The following IFT88 variants were observed in gnomAD, a reference collection of about 807,000 sequenced individuals.
The protein encoded by IFT88 is intraflagellar transport 88, also known as intraflagellar transport protein 88 homolog.
Under a neutral mutation model 119.5 loss-of-function variants are expected in IFT88, and 74 were observed. The observed-to-expected ratio is 0.62, with a 90% CI of 0.51 to 0.75. The LOEUF is 0.75. Ranked by LOEUF, IFT88 falls within the 30% of genes least tolerant of loss-of-function variation. The pLI is 0.00. For missense variants in IFT88, 961 were observed against 977.7 expected (o/e 0.98, Z 0.23); for synonymous variants, 279 against 316.7 (o/e 0.88, Z 1.26).
intron 24 of IFT88, among the ~76,000 whole-genome samples, chr13:20,688,652 G>A (rs1275368232): frequency 6.6e-6 from 1 of 152,198 alleles, no homozygotes; most frequent in East Asian, 1.9e-4. Flanking sequence ...ATGCATGCAT[G>A]AGGAAATAAG....
rs2045541083 is a variant in IFT88, at chr13:20,615,965, A to G, written c.1199+86A>G. The G allele has an allele frequency of 1.7e-5, 11 of 655,290 alleles. No homozygotes were observed. In the South Asian group the frequency reaches 2.9e-4, roughly 17 times the overall value. 40.6% of individuals were successfully genotyped at this position (655,290 alleles called of 1,614,324 possible). A position where few individuals can be genotyped will look rare whatever the true frequency, so the allele number is the denominator to read the frequency against. On this transcript the variant is annotated intron_variant, in intron 14 of 25. Coordinates refer to ENST00000351808, the MANE Select transcript of IFT88 (RefSeq NM_006531.5). The stretch of plus-strand genomic sequence containing the variant: ...AATTTAAATTAATATTGTCATTAGA[A>G]AAGTGGATATGAATGTTGATTCATA...
chr13:20,604,074 C>G (rs1318252478), intron 12 of IFT88, among the ~76,000 whole-genome samples: 2 of 151,828 alleles, frequency 1.3e-5, no homozygotes, highest in African/African-American at 4.8e-5. Context: ...AGTAAAATAA[C>G]AAATAAAAAA....
intron 5 of IFT88, 103 bp downstream of exon 5, chr13:20,591,123 G>A: frequency 1.3e-6 from 1 of 772,428 alleles, no homozygotes; most frequent in Non-Finnish European, 2.1e-6. Context: ...TGTTAAAGAA[G>A]ATATTACTTA....
chr13:20,614,580 GGA>G (rs1352191833), intron 13 of IFT88: 1 of 152,018 alleles, frequency 6.6e-6, no homozygotes, highest in Non-Finnish European at 1.5e-5. Flanking sequence ...GGTGGGAGTT[GGA>G]GGAAAACAAA....
intron 23 of IFT88, among the ~76,000 whole-genome samples, chr13:20,670,316 A>G (rs944001269): frequency 1.3e-5 from 2 of 152,150 alleles, no homozygotes; most frequent in South Asian, 4.1e-4. Context: ...GGCAGATTCA[A>G]TGTTAATACA....
At chr13:20,609,996 G>A (rs2044205204) in intron 13 of IFT88, among the ~76,000 whole-genome samples, 1 of 152,028 alleles carries the variant, frequency 6.6e-6, no homozygotes. Context: ...GCTTCTTGCT[G>A]GCATTTGCGA....
intron 13 of IFT88, among the ~76,000 whole-genome samples, chr13:20,605,743 G>A (rs2043326335): frequency 6.6e-6 from 1 of 152,148 alleles, no homozygotes; most frequent in Non-Finnish European, 1.5e-5. Context: ...TGCTATGAAT[G>A]GAAGGCTCCC....
In IFT88 at chr13:20,585,579, C is replaced by T. The variant is rs114601458; in HGVS notation, c.153+2560C>T. Among the ~76,000 whole-genome samples, 923 of 152,300 alleles carry T rather than the reference C, an allele frequency of 6.1e-3. 14 individuals carry two copies. The highest frequency in any genetic ancestry group is 0.021 in the African/African-American group (880 of 41,572). ...ACCACCCACCAGGCCAACCTTTAGT[C>T]TCTAGTCCCGGAGGTTCAGGCTAGT... On this transcript the variant is annotated intron_variant, in intron 3 of 25. Transcript: ENST00000351808.
At position 20,615,839 on chromosome 13, in the gene IFT88, G is replaced by T; in HGVS notation, c.1159G>T (p.Ala387Ser). ...KYIMTSAKLI[A>S]PVIETSFAAG... ...TATTATGACATCTGCAAAACTCATT[G>T]CTCCTGTAATTGAAACATCTTTTGC... The change falls in exon 14 of 26, where the codon GCT becomes TCT. Residue 387 changes from alanine (A) to serine (S), a missense_variant. Coordinates refer to ENST00000351808, the MANE Select transcript of IFT88 (RefSeq NM_006531.5). The T allele has an allele frequency of 6.2e-7, 1 of 1,608,970 alleles. No individual in the cohort carries two copies.
intron 16 of IFT88, among the ~76,000 whole-genome samples, chr13:20,632,493 G>A (rs561929549): frequency 1.5e-4 from 23 of 152,160 alleles, no homozygotes; most frequent in Admixed American, 1.1e-3. Context: ...AATTTCCAGC[G>A]TCTTGGGTTT....
intron 24 of IFT88, among the ~76,000 whole-genome samples, chr13:20,690,089 C>A (rs2058332760): frequency 6.6e-6 from 1 of 152,052 alleles, no homozygotes; most frequent in East Asian, 1.9e-4. Context: ...TGATTTATTC[C>A]CAGAGACATT....
chr13:20,617,691 C>G lies in IFT88; in HGVS notation c.1199+1812C>G, dbSNP rs192415879. Among the ~76,000 whole-genome samples the G allele has an allele frequency of 5.0e-3, 766 of 152,306 alleles. 3 individuals carry two copies. The highest frequency in any genetic ancestry group is 8.1e-3 in the Non-Finnish European group (550 of 68,036). On this transcript the variant is annotated intron_variant, in intron 14 of 25. Coordinates refer to ENST00000351808, the MANE Select transcript of IFT88 (RefSeq NM_006531.5). Reference sequence around the variant, plus strand: ...TTGTAGTCTTTTGGATATGGCTGACCTGAATTGGACTGAACTCCACCATAT... The same window carrying G: ...TTGTAGTCTTTTGGATATGGCTGACGTGAATTGGACTGAACTCCACCATAT...
At chr13:20,615,943 TTAA>T in intron 14 of IFT88, 64 bp downstream of exon 14, 1 of 848,570 alleles carries the variant, frequency 1.2e-6, no homozygotes, top group Non-Finnish European at 1.8e-6. Context: ...ACTTTTAAAT[TTAA>T]ATTAATATTG....
At chr13:20,582,830 T>C (rs1393407514) in intron 2 of IFT88, 127 bp from the exon 3 acceptor site, 9 of 646,808 alleles carry the variant, frequency 1.4e-5, no homozygotes, top group Non-Finnish European at 2.4e-5. Flanking sequence ...GAGGTAGGAG[T>C]CCTAGATGTC....
intron 24 of IFT88, among the ~76,000 whole-genome samples, chr13:20,678,160 A>G (rs2056904316): frequency 6.6e-6 from 1 of 152,248 alleles, no homozygotes; most frequent in Non-Finnish European, 1.5e-5. Flanking sequence ...AATGAGTTGC[A>G]GGGAGGTAGA....
chr13:20,618,062 G>A (rs112777350), intron 14 of IFT88, among the ~76,000 whole-genome samples: 1 of 152,108 alleles, frequency 6.6e-6, no homozygotes, highest in Non-Finnish European at 1.5e-5. Context: ...GATTACAGGC[G>A]AAAGCCACCG....
intron 7 of IFT88, 32 bp downstream of exon 7, chr13:20,592,436 T>C: frequency 1.3e-6 from 2 of 1,484,224 alleles, no homozygotes; most frequent in East Asian, 2.3e-5. Context: ...TGTTTGTTGT[T>C]GTTGCTGCAT....
chr13:20,568,001 G>A, intron 1 of IFT88: 2 of 713,490 alleles, frequency 2.8e-6, no homozygotes, highest in South Asian at 3.0e-5. Context: ...CACTAAGGTA[G>A]CCGATGAGCT....
chr13:20,641,133 G>A lies in IFT88; in HGVS notation c.1574-157G>A, dbSNP rs560191996. ...CTACACTCCAGTGTGGGCAGCAGGA[G>A]TGAGACCCTGTATCAAAAAACAAAA... On this transcript the variant is annotated intron_variant, in intron 17 of 25. Coordinates refer to ENST00000351808, the MANE Select transcript of IFT88 (RefSeq NM_006531.5). 2.9e-4 allele frequency among the ~76,000 whole-genome samples: 44 copies of A among 152,284 alleles called. No homozygotes were observed. In the East Asian group the frequency reaches 5.8e-3, roughly 20 times the overall value.
Sources: allele counts gnomAD v4.1 joint callset (sites outside exome capture counted in the v4.1 genomes callset), GRCh38; gene constraint gnomAD v4.1.1; transcripts MANE v1.5; gene names NCBI Gene and HGNC (gene_info 2026-07-23, HGNC 2026-07-21).